Variants in SNTG2 observed in about 807,000 individuals in gnomAD.
SNTG2 encodes gamma-2-syntrophin.
Under a neutral mutation model 70.9 loss-of-function variants are expected in SNTG2, and 74 were observed. The ratio of observed to expected loss-of-function variants is 1.04; its 90% CI spans 0.86 to 1.27. The LOEUF (loss-of-function observed/expected upper bound fraction) is 1.27. Ranked by LOEUF, SNTG2 falls within the 50% of genes most tolerant of loss-of-function variation. SNTG2 has a pLI of 0.00. For missense variants in SNTG2, 717 were observed against 690.7 expected, an observed-to-expected ratio of 1.04 and a Z score of -0.43; for synonymous variants, 278 against 273.8, an observed-to-expected ratio of 1.02 and a Z score of -0.15.
chr2:1,223,894 A>G (rs941043814), intron 9 of SNTG2, among the ~76,000 whole-genome samples: 9 of 151,698 alleles, frequency 5.9e-5, no homozygotes, highest in African/African-American at 2.2e-4. Flanking sequence ...GGCCTTATGC[A>G]GCAGACATGC....
chr2:965,469 C>G (rs932007311), intron 1 of SNTG2, among the ~76,000 whole-genome samples: 2 of 151,564 alleles, frequency 1.3e-5, no homozygotes, highest in Non-Finnish European at 2.9e-5. Flanking sequence ...GCCTCCTCCT[C>G]CTTGACTTGG....
chr2:997,310 G>A (rs62106789), intron 1 of SNTG2, among the ~76,000 whole-genome samples: 2 of 152,134 alleles, frequency 1.3e-5, no homozygotes, highest in South Asian at 2.1e-4. Flanking sequence ...CCATGAGGAC[G>A]TGTAGGGAAG....
chr2:1,023,611 A>G (rs1299430374), intron 1 of SNTG2, among the ~76,000 whole-genome samples: 7 of 152,144 alleles, frequency 4.6e-5, no homozygotes, highest in Non-Finnish European at 8.8e-5. Flanking sequence ...GACAGTGTCA[A>G]TTCTTGCCTT....
At chr2:1,139,690 A>G (rs1403186010) in intron 6 of SNTG2, among the ~76,000 whole-genome samples, 1 of 152,062 alleles carries the variant, frequency 6.6e-6, no homozygotes, top group Non-Finnish European at 1.5e-5. Context: ...CTAGTCAGGC[A>G]TGGTGGCGCA....
intron 9 of SNTG2, among the ~76,000 whole-genome samples, chr2:1,222,281 A>T (rs1052616806): frequency 9.2e-5 from 14 of 152,218 alleles, no homozygotes; most frequent in Admixed American, 6.5e-4. Flanking sequence ...TGTCTATGAA[A>T]AGATGCTGCA....
At chr2:1,066,266 A>C (rs192517514) in intron 1 of SNTG2, among the ~76,000 whole-genome samples, 3 of 152,156 alleles carry the variant, frequency 2.0e-5, no homozygotes, top group Admixed American at 6.5e-5. Flanking sequence ...TTGAAGAAGT[A>C]GTTGGTTGGT....
At chr2:963,344 C>T (rs1660416610) in intron 1 of SNTG2, among the ~76,000 whole-genome samples, 1 of 151,720 alleles carries the variant, frequency 6.6e-6, no homozygotes, top group Non-Finnish European at 1.5e-5. Flanking sequence ...AGAAAGGCAG[C>T]ATGCTCAAAA....
At chr2:964,660 A>T (rs1433402126) in intron 1 of SNTG2, among the ~76,000 whole-genome samples, 1 of 152,144 alleles carries the variant, frequency 6.6e-6, no homozygotes, top group Non-Finnish European at 1.5e-5. Context: ...TGTGGGGAAG[A>T]GACACTGGGT....
At chr2:1,186,843 A>C (rs1293848836) in intron 8 of SNTG2, among the ~76,000 whole-genome samples, 2 of 152,220 alleles carry the variant, frequency 1.3e-5, no homozygotes, top group African/African-American at 2.4e-5. Flanking sequence ...ACATTAAAGA[A>C]ATAAGCAAGA....
chr2:1,005,804 A>G (rs1659544069), intron 1 of SNTG2, among the ~76,000 whole-genome samples: 1 of 118,694 alleles, frequency 8.4e-6, no homozygotes, highest in South Asian at 3.1e-4. Flanking sequence ...ACTCTGCCTC[A>G]AAATATATAT....
At chr2:1,082,589 C>T (rs535725649) in intron 1 of SNTG2, among the ~76,000 whole-genome samples, 72 of 152,302 alleles carry the variant, frequency 4.7e-4, no homozygotes, top group South Asian at 8.3e-4. Flanking sequence ...CCACTGGCCT[C>T]CAGCTGTGCC....
intron 8 of SNTG2, among the ~76,000 whole-genome samples, chr2:1,196,476 G>A (rs1025657271): frequency 2.6e-5 from 4 of 152,128 alleles, no homozygotes; most frequent in African/African-American, 9.7e-5. Context: ...AGACCTGAAA[G>A]CTTCTCAAGT....
intron 8 of SNTG2, among the ~76,000 whole-genome samples, chr2:1,193,110 A>G (rs1303406774): frequency 1.3e-5 from 2 of 152,198 alleles, no homozygotes; most frequent in East Asian, 1.9e-4. Flanking sequence ...GCCCCATTAC[A>G]TAGTCTGCAG....
intron 15 of SNTG2, among the ~76,000 whole-genome samples, chr2:1,308,794 T>A: frequency 6.6e-6 from 1 of 152,138 alleles, no homozygotes; most frequent in East Asian, 1.9e-4. Context: ...GCCAATAGGA[T>A]TCACAGCAGG....
intron 8 of SNTG2, among the ~76,000 whole-genome samples, chr2:1,178,510 G>A (rs1671634664): frequency 6.6e-6 from 1 of 152,158 alleles, no homozygotes; most frequent in Non-Finnish European, 1.5e-5. Flanking sequence ...TTTTTAGCAT[G>A]AAGGGTTGTT....
chr2:995,071 AT>A (rs1327621454), intron 1 of SNTG2, among the ~76,000 whole-genome samples: 1 of 151,790 alleles, frequency 6.6e-6, no homozygotes, highest in African/African-American at 2.4e-5. Context: ...TCCTCCTAAT[AT>A]TCCTTTGATA....
At chr2:1,277,438 G>A (rs952765140) in intron 14 of SNTG2, among the ~76,000 whole-genome samples, 4 of 152,112 alleles carry the variant, frequency 2.6e-5, no homozygotes, top group South Asian at 2.1e-4. Flanking sequence ...TGACCACTAG[G>A]TTATTTTAAC....
chr2:1,015,148 G>A (rs901870673), intron 1 of SNTG2, among the ~76,000 whole-genome samples: 5 of 152,168 alleles, frequency 3.3e-5, no homozygotes, highest in Non-Finnish European at 5.9e-5. Context: ...ACTGGAGCGG[G>A]AGCAGGTATC....
chr2:1,044,134 C>T (rs887735744), intron 1 of SNTG2, among the ~76,000 whole-genome samples: 2 of 151,768 alleles, frequency 1.3e-5, no homozygotes, highest in African/African-American at 2.4e-5. Context: ...CACCGCTGCC[C>T]CCCCACCCCG....
Sources: allele counts gnomAD v4.1 joint callset (sites outside exome capture counted in the v4.1 genomes callset), GRCh38; gene constraint gnomAD v4.1.1; transcripts MANE v1.5; gene names NCBI Gene and HGNC (gene_info 2026-07-23, HGNC 2026-07-21).